Variants in B3GALT5 observed in about 807,000 individuals in gnomAD.
B3GALT5 encodes beta-1,3-galactosyltransferase 5.
For synonymous variants in B3GALT5, 156 were observed against 158.6 expected (o/e 0.98, Z 0.12); for missense variants, 328 against 396.6 (o/e 0.83, Z 1.47).
rs549267621 is a variant in B3GALT5 at position 39,672,647 on chromosome 21, C to T, written c.*11155C>T. The stretch of plus-strand genomic sequence containing the variant: ...GATTGATGTGATAATTCACTCTTCC[C>T]GAAAAATTGGCAAGGTAATGGTCTG... On this transcript the variant is annotated 3_prime_UTR_variant, in exon 4 of 4. Transcript: ENST00000684187. 46 of 152,164 alleles carry T rather than the reference C, an allele frequency of 3.0e-4. No individual in the cohort carries two copies. The highest frequency in any genetic ancestry group is 5.7e-4 in the Non-Finnish European group (39 of 68,018). The allele number at this position is 152,164 out of a possible 1,614,324, so 9.4% of individuals were successfully genotyped here. A position where few individuals can be genotyped will look rare whatever the true frequency, so the allele number is the denominator to read the frequency against.
chr21:39,615,369 T>G (rs2079102135), intron 1 of B3GALT5, among the ~76,000 whole-genome samples: 2 of 152,350 alleles, frequency 1.3e-5, no homozygotes, highest in Non-Finnish European at 1.5e-5. Flanking sequence ...AGAACTAACA[T>G]GGCCTTCAGT....
chr21:39,658,617 G>C (rs1323400190), intron 2 of B3GALT5, among the ~76,000 whole-genome samples: 1 of 152,026 alleles, frequency 6.6e-6, no homozygotes, highest in African/African-American at 2.4e-5. Context: ...AGAAAGAAAA[G>C]TAAAGGAAGG....
intron 1 of B3GALT5, among the ~76,000 whole-genome samples, chr21:39,627,672 A>G (rs931332023): frequency 5.3e-5 from 8 of 152,010 alleles, no homozygotes; most frequent in Admixed American, 3.9e-4. Flanking sequence ...GGAGATTCCA[A>G]TCAAGTCCTC....
rs143578309 is a variant in B3GALT5, at chr21:39,631,197, T to G, written c.-391-15195T>G. Among the ~76,000 whole-genome samples, 764 of 152,354 alleles carry G rather than the reference T, an allele frequency of 5.0e-3. 6 individuals carry two copies. The highest frequency in any genetic ancestry group is 0.017 in the African/African-American group (698 of 41,574). Reference sequence around the variant, plus strand: ...GAAAGCCTTAAATAACAAAAACTTATGATCTCACAGTTCTGGAGGCTGAAG... The same window carrying G: ...GAAAGCCTTAAATAACAAAAACTTAGGATCTCACAGTTCTGGAGGCTGAAG... On this transcript the variant is annotated intron_variant, in intron 1 of 3. Transcript: ENST00000684187.
chr21:39,664,845 T>G lies in B3GALT5; in HGVS notation c.*3353T>G, dbSNP rs1001592267. 3.9e-5 allele frequency: 6 copies of G among 152,774 alleles called. No homozygotes were observed. Among genetic ancestry groups the G allele is most frequent in the African/African-American group, 1.5e-4 (6 of 41,354 alleles). 9.5% of individuals were successfully genotyped at this position (152,774 alleles called of 1,614,324 possible). A position where few individuals can be genotyped will look rare whatever the true frequency, so the allele number is the denominator to read the frequency against. ...TCTCCCTCCTCCTTGCTGCTCGCCT[T>G]TTCCATCTCCCCTGCTTGCTCCTTC... On this transcript the variant is annotated 3_prime_UTR_variant, in exon 4 of 4. Coordinates refer to ENST00000684187, the MANE Select transcript of B3GALT5 (RefSeq NM_001356336.2).
At chr21:39,636,126 C>A (rs941149873) in intron 1 of B3GALT5, among the ~76,000 whole-genome samples, 3 of 152,206 alleles carry the variant, frequency 2.0e-5, no homozygotes, top group Non-Finnish European at 4.4e-5. Context: ...CTCATTATCT[C>A]TAAGCCTCAG....
In B3GALT5 at chr21:39,660,908, G is replaced by C; in HGVS notation, c.349G>C (p.Gly117Arg). ...KEVDQESQRHGDIIQKDFLDV... is the reference protein window; with the variant it reads ...KEVDQESQRHRDIIQKDFLDV... ...GGTGGACCAGGAGAGCCAGCGACAC[G>C]GGGACATTATCCAGAAGGATTTCCT... The change falls in exon 4 of 4, where the codon GGG becomes CGG. Residue 117 changes from glycine (G) to arginine (R), a missense_variant. By Grantham distance (125) the Gly-to-Arg change is moderately radical. Transcript: ENST00000684187. 1 of 1,610,812 alleles carries C rather than the reference G, an allele frequency of 6.2e-7. No homozygotes were observed. The highest frequency in any genetic ancestry group is 8.5e-7 in the Non-Finnish European group (1 of 1,178,356).
chr21:39,623,201 T>TCCTC (rs1233817989), intron 1 of B3GALT5, among the ~76,000 whole-genome samples: 1 of 54,240 alleles, frequency 1.8e-5, no homozygotes, highest in Non-Finnish European at 3.6e-5. Flanking sequence ...CCTCCCTCCT[T>TCCTC]CCTCCCTCCC....
At chr21:39,650,989 T>A (rs1234171046) in intron 2 of B3GALT5, among the ~76,000 whole-genome samples, 4 of 149,440 alleles carry the variant, frequency 2.7e-5, no homozygotes, top group African/African-American at 9.9e-5. Flanking sequence ...AAAAAAAACC[T>A]TCTTCTAGAG....
intron 1 of B3GALT5, among the ~76,000 whole-genome samples, chr21:39,626,080 T>A (rs2079162174): frequency 6.6e-6 from 1 of 152,152 alleles, no homozygotes; most frequent in South Asian, 2.1e-4. Context: ...TTATCAGTCA[T>A]TTCTCCTCCC....
Position 39,639,136 on chromosome 21 carries a change from C to A in B3GALT5, c.-391-7256C>A. Among the ~76,000 whole-genome samples the A allele has an allele frequency of 1.3e-5, 2 of 152,316 alleles. 1 individual carries two copies. The highest frequency in any genetic ancestry group is 4.1e-4 in the South Asian group (2 of 4,826). On this transcript the variant is annotated intron_variant, in intron 1 of 3. Coordinates refer to ENST00000684187, the MANE Select transcript of B3GALT5 (RefSeq NM_001356336.2). ...ATGTAGACGGAAGCCACTTATTAAA[C>A]TAACAGAACAGGTCATACTCCATGG... is the stretch of plus-strand genomic sequence containing the variant.
At chr21:39,627,651 C>T (rs980724650) in intron 1 of B3GALT5, among the ~76,000 whole-genome samples, 10 of 151,642 alleles carry the variant, frequency 6.6e-5, no homozygotes, top group African/African-American at 2.4e-4. Flanking sequence ...TTCAATATTC[C>T]TCTTTACACA....
chr21:39,646,802 G>A (rs2079344246), intron 2 of B3GALT5, among the ~76,000 whole-genome samples, 180 bp downstream of exon 2: 1 of 152,158 alleles, frequency 6.6e-6, no homozygotes, highest in African/African-American at 2.4e-5. Context: ...GAGCAGGAGG[G>A]TCAAGAACTG....
intron 2 of B3GALT5, among the ~76,000 whole-genome samples, chr21:39,653,925 T>C (rs2079417629): frequency 6.6e-6 from 1 of 152,244 alleles, no homozygotes; most frequent in African/African-American, 2.4e-5. Context: ...TAAATGATTC[T>C]TTGTATTTGA....
chr21:39,631,066 T>C (rs1305396996), intron 1 of B3GALT5, among the ~76,000 whole-genome samples: 1 of 152,242 alleles, frequency 6.6e-6, no homozygotes, highest in African/African-American at 2.4e-5. Context: ...GCAAAGTACA[T>C]AGAAGGCACA....
At chr21:39,624,552 A>G (rs1283363639) in intron 1 of B3GALT5, among the ~76,000 whole-genome samples, 1 of 152,232 alleles carries the variant, frequency 6.6e-6, no homozygotes, top group Non-Finnish European at 1.5e-5. Flanking sequence ...ACAGGTGCCT[A>G]TTATAATTGG....
At chr21:39,628,250 A>G (rs139067665) in intron 1 of B3GALT5, among the ~76,000 whole-genome samples, 165 of 152,330 alleles carry the variant, frequency 1.1e-3, no homozygotes, top group African/African-American at 3.8e-3. Flanking sequence ...ATAAAAATGT[A>G]ATCTCTTTTT....
At chr21:39,651,913 G>A (rs961988647) in intron 2 of B3GALT5, among the ~76,000 whole-genome samples, 8 of 152,108 alleles carry the variant, frequency 5.3e-5, no homozygotes, top group African/African-American at 1.9e-4. Context: ...GATTCTGTAT[G>A]TTTTGTATTA....
chr21:39,639,347 T>TTTCTTTTTTTCCTTCC lies in B3GALT5; in HGVS notation c.-391-7042_-391-7041insTTTTTTTCCTTCCTTC, dbSNP rs762994044. Reference sequence around the variant, plus strand: ...CTTTCTTTCTTTCTTTCTTTCTTTCTTTCCTTCCTTCCTTCCTTCCTTCCT... The same window carrying TTTCTTTTTTTCCTTCC: ...CTTTCTTTCTTTCTTTCTTTCTTTCTTTCTTTTTTTCCTTCCTTCCTTCCTTCCTTCCTTCCTTCCT... On this transcript the variant is annotated intron_variant, in intron 1 of 3. Transcript: ENST00000684187. Among the ~76,000 whole-genome samples, 100 of 66,732 alleles carry TTTCTTTTTTTCCTTCC rather than the reference T, an allele frequency of 1.5e-3. 1 individual carries two copies. The highest frequency in any genetic ancestry group is 1.7e-3 in the Non-Finnish European group (59 of 34,126). The allele number at this position is 66,732 out of a possible 152,430, so 43.8% of individuals were successfully genotyped here.
Sources: allele counts gnomAD v4.1 joint callset (sites outside exome capture counted in the v4.1 genomes callset), GRCh38; gene constraint gnomAD v4.1.1; transcripts MANE v1.5; gene names NCBI Gene and HGNC (gene_info 2026-07-23, HGNC 2026-07-21).